Variants in MACROD2 observed in about 807,000 individuals in gnomAD.
MACROD2 encodes mono-ADP ribosylhydrolase 2, also known as ADP-ribose glycohydrolase MACROD2.
In MACROD2, 36 loss-of-function variants were observed where a neutral mutation model predicts 70.4. The observed-to-expected ratio is 0.51, with a 90% CI of 0.39 to 0.68. The LOEUF (loss-of-function observed/expected upper bound fraction) is 0.68, where lower values mean the gene tolerates loss of function less well. Among genes scored for constraint, MACROD2 ranks in the 30% least tolerant of loss-of-function variants. The pLI, the probability that MACROD2 is intolerant of heterozygous loss-of-function variation, is 0.00. For missense variants in MACROD2, 496 were observed against 538.4 expected (o/e 0.92, Z 0.78); for synonymous variants, 172 against 178.8 (o/e 0.96, Z 0.30).
At chr20:15,953,106 G>C (rs1329581154) in intron 12 of MACROD2, among the ~76,000 whole-genome samples, 1 of 151,992 alleles carries the variant, frequency 6.6e-6, no homozygotes, top group Admixed American at 6.6e-5. Context: ...AAATGAGTCA[G>C]GAAAAGAAAG....
chr20:15,864,766 A>G (rs1441166129), intron 9 of MACROD2, among the ~76,000 whole-genome samples: 7 of 152,180 alleles, frequency 4.6e-5, no homozygotes, highest in Non-Finnish European at 1.0e-4. Flanking sequence ...TCAATCTCAC[A>G]TCAATGCTTT....
intron 4 of MACROD2, among the ~76,000 whole-genome samples, chr20:14,680,361 TTAGAG>T (rs2070917194): frequency 6.6e-6 from 1 of 152,162 alleles, no homozygotes; most frequent in South Asian, 2.1e-4. Flanking sequence ...TCTCCCCAAG[TTAGAG>T]GGGGCTTGGC....
At chr20:15,368,609 G>T (rs953616610) in intron 6 of MACROD2, among the ~76,000 whole-genome samples, 5 of 151,710 alleles carry the variant, frequency 3.3e-5, no homozygotes, top group Non-Finnish European at 7.4e-5. Context: ...TTACAGGAGC[G>T]CACCACCATG....
chr20:15,619,539 C>T lies in MACROD2; in HGVS notation c.645+119692C>T, dbSNP rs1053255304. 10 of 411,382 alleles carry T rather than the reference C, an allele frequency of 2.4e-5. No individual in the cohort carries two copies. The Admixed American group carries it at 4.0e-4, about 17-fold the overall frequency. 25.5% of individuals were successfully genotyped at this position (411,382 alleles called of 1,614,324 possible). On this transcript the variant is annotated intron_variant, in intron 8 of 17. Transcript: ENST00000684519. Reference sequence around the variant, plus strand: ...TGAGTGAGGATTTTCTGGGCAGATCCTGTGTGGTGGGGATGTGGTCACCAG... The same window carrying T: ...TGAGTGAGGATTTTCTGGGCAGATCTTGTGTGGTGGGGATGTGGTCACCAG...
chr20:14,410,951 A>C (rs1321965827), intron 3 of MACROD2, among the ~76,000 whole-genome samples: 1 of 152,104 alleles, frequency 6.6e-6, no homozygotes, highest in African/African-American at 2.4e-5. Context: ...AGCCCTACCC[A>C]GACAGTGGGA....
intron 4 of MACROD2, among the ~76,000 whole-genome samples, chr20:14,538,192 G>T (rs2085389723): frequency 6.6e-6 from 1 of 152,194 alleles, no homozygotes; most frequent in African/African-American, 2.4e-5. Context: ...AACCGTGGGA[G>T]GGGGTGGAGC....
chr20:14,814,174 G>A (rs1441594591), intron 5 of MACROD2, among the ~76,000 whole-genome samples: 1 of 152,038 alleles, frequency 6.6e-6, no homozygotes, highest in Non-Finnish European at 1.5e-5. Context: ...AGATGAGCCC[G>A]GACAGAGTGC....
intron 5 of MACROD2, among the ~76,000 whole-genome samples, chr20:15,034,614 A>AT (rs150614078): frequency 0.015 from 2,302 of 152,172 alleles, 77 homozygotes; most frequent in African/African-American, 0.051. Flanking sequence ...ATTGTGAAGC[A>AT]TTTTTTTGGT....
intron 8 of MACROD2, among the ~76,000 whole-genome samples, chr20:15,825,050 G>A (rs913969311): frequency 2.0e-5 from 3 of 152,072 alleles, no homozygotes; most frequent in Admixed American, 2.0e-4. Context: ...TTCTAATGAT[G>A]GTCCATTGAC....
At chr20:14,758,117 A>G (rs937318094) in intron 5 of MACROD2, 6 of 356,874 alleles carry the variant, frequency 1.7e-5, no homozygotes, top group Non-Finnish European at 2.6e-5. Flanking sequence ...AAAAAAAAAA[A>G]AGAAAAAATC....
intron 3 of MACROD2, among the ~76,000 whole-genome samples, chr20:14,471,351 C>A (rs1003019662): frequency 6.6e-6 from 1 of 152,146 alleles, no homozygotes; most frequent in African/African-American, 2.4e-5. Context: ...AGATGTAGAC[C>A]GGAGCTGTTC....
At chr20:15,621,965 G>A (rs2049131765) in intron 8 of MACROD2, among the ~76,000 whole-genome samples, 1 of 152,176 alleles carries the variant, frequency 6.6e-6, no homozygotes, top group Admixed American at 6.5e-5. Flanking sequence ...TGATTTAGAT[G>A]TGGGAGGTAA....
chr20:14,040,001 T>C (rs2053370160), intron 2 of MACROD2, among the ~76,000 whole-genome samples: 1 of 152,196 alleles, frequency 6.6e-6, no homozygotes, highest in Non-Finnish European at 1.5e-5. Context: ...ACAATGCTTT[T>C]GTATTTCAGT....
chr20:14,995,842 T>C (rs1157601179), intron 5 of MACROD2, among the ~76,000 whole-genome samples: 1 of 152,164 alleles, frequency 6.6e-6, no homozygotes, highest in Non-Finnish European at 1.5e-5. Flanking sequence ...GAGGGAAATG[T>C]ATGCCTTAAA....
intron 8 of MACROD2, among the ~76,000 whole-genome samples, chr20:15,766,748 C>A (rs2051533764): frequency 6.6e-6 from 1 of 152,130 alleles, no homozygotes; most frequent in Non-Finnish European, 1.5e-5. Flanking sequence ...TTCTTGAGAC[C>A]CAGTAATAGT....
chr20:15,381,511 C>CA (rs1467839851), intron 6 of MACROD2, among the ~76,000 whole-genome samples: 1 of 151,054 alleles, frequency 6.6e-6, no homozygotes, highest in Non-Finnish European at 1.5e-5. Context: ...AAAAAAAATA[C>CA]AAAAATTAGC....
At chr20:15,891,922 GC>G (rs1451115685) in intron 10 of MACROD2, among the ~76,000 whole-genome samples, 1 of 152,172 alleles carries the variant, frequency 6.6e-6, no homozygotes, top group Non-Finnish European at 1.5e-5. Context: ...TTAAGTACCA[GC>G]CCTGAAGGGA....
intron 6 of MACROD2, among the ~76,000 whole-genome samples, chr20:15,338,361 A>G (rs1436114643): frequency 2.0e-5 from 3 of 151,592 alleles, no homozygotes; most frequent in Non-Finnish European, 4.4e-5. Flanking sequence ...AATTCTTTTG[A>G]GGCTGGCTGC....
chr20:15,582,541 A>T (rs1008080317), intron 8 of MACROD2, among the ~76,000 whole-genome samples: 1 of 152,220 alleles, frequency 6.6e-6, no homozygotes, highest in African/African-American at 2.4e-5. Flanking sequence ...GCTTATATAT[A>T]CTTGGCAAGA....
Sources: gnomAD v4.1 joint callset for allele counts (sites outside exome capture counted in the v4.1 genomes callset) on GRCh38, gnomAD v4.1.1 for gene constraint, MANE v1.5 for transcripts, NCBI Gene and HGNC (gene_info 2026-07-23, HGNC 2026-07-21) for gene names.